Variants in BCL9 observed in about 807,000 individuals in gnomAD.
BCL9 encodes B-cell CLL/lymphoma 9 protein.
Under a neutral mutation model 88.5 loss-of-function variants are expected in BCL9, and 25 were observed. The observed-to-expected ratio is 0.28, with a 90% CI of 0.21 to 0.39. BCL9 has a LOEUF of 0.39. Among genes scored for constraint, BCL9 ranks in the 10% least tolerant of loss-of-function variants. The pLI is 1.00. For missense variants in BCL9, 1,817 were observed against 1,877.8 expected (o/e 0.97, Z 0.60); for synonymous variants, 711 against 673.3 (o/e 1.06, Z -0.87).
intron 1 of BCL9, among the ~76,000 whole-genome samples, chr1:147,601,138 CAA>C (rs1657369648): frequency 6.6e-6 from 1 of 152,030 alleles, no homozygotes; most frequent in Non-Finnish European, 1.5e-5. Flanking sequence ...ATCTGTCCTC[CAA>C]GAGGTCTGAA....
At chr1:147,572,862 G>A (rs587736445) in intron 1 of BCL9, among the ~76,000 whole-genome samples, 27 of 152,350 alleles carry the variant, frequency 1.8e-4, no homozygotes, top group African/African-American at 6.0e-4. Flanking sequence ...TTATAGGCGT[G>A]AGCCGCTACA....
At chr1:147,623,598 A>G (rs782390656) in intron 9 of BCL9, among the ~76,000 whole-genome samples, 4 of 152,250 alleles carry the variant, frequency 2.6e-5, no homozygotes, top group South Asian at 2.1e-4. Context: ...ACACATGACA[A>G]TTTCTCCCTT....
chr1:147,580,470 A>G (rs1570854237), intron 1 of BCL9, among the ~76,000 whole-genome samples: 1 of 152,290 alleles, frequency 6.6e-6, no homozygotes, highest in South Asian at 2.1e-4. Flanking sequence ...TGTGAGACTG[A>G]GTCTTCCTAT....
intron 1 of BCL9, among the ~76,000 whole-genome samples, chr1:147,583,957 CA>C (rs1278849988): frequency 1.3e-5 from 2 of 150,856 alleles, no homozygotes; most frequent in African/African-American, 2.4e-5. Flanking sequence ...GACTCTGTCT[CA>C]AAAAAAAGAA....
At chr1:147,573,384 C>T (rs782672053) in intron 1 of BCL9, among the ~76,000 whole-genome samples, 7 of 152,074 alleles carry the variant, frequency 4.6e-5, no homozygotes, top group African/African-American at 7.2e-5. Flanking sequence ...ACCCAGGAGG[C>T]GGAGGTTGCA....
intron 7 of BCL9, 28 bp downstream of exon 7, chr1:147,615,930 G>A (rs1553203765): frequency 6.3e-7 from 1 of 1,577,464 alleles, no homozygotes; most frequent in Non-Finnish European, 8.7e-7. Flanking sequence ...CTGAGTAATG[G>A]TTTAATGATT....
rs76482154 is a variant in BCL9, at chr1:147,579,408, A to G, written c.-477-25369A>G. Reference sequence around the variant, plus strand: ...CCTTTCTCTACTATATGGAATATATACACTGCTTGACACAGATGGTGCTTA... The same window carrying G: ...CCTTTCTCTACTATATGGAATATATGCACTGCTTGACACAGATGGTGCTTA... On this transcript the variant is annotated intron_variant, in intron 1 of 9. Transcript: ENST00000234739. Among the ~76,000 whole-genome samples the G allele has an allele frequency of 5.9e-3, 905 of 152,342 alleles. 14 individuals are homozygous for G. The highest frequency in any genetic ancestry group is 0.021 in the African/African-American group (860 of 41,578).
chr1:147,595,687 A>T lies in BCL9; in HGVS notation c.-477-9090A>T, dbSNP rs587677507. Among the ~76,000 whole-genome samples the T allele has an allele frequency of 5.9e-5, 9 of 152,210 alleles. No individual in the cohort carries two copies. The East Asian group carries it at 1.2e-3, about 20-fold the overall frequency. On this transcript the variant is annotated intron_variant, in intron 1 of 9. Transcript: ENST00000234739. ...CAACATAGTGAGACTATCTCTACAA[A>T]AAATAAATAAATAAATAAATAATAA...
rs781948065 is a variant in BCL9, at chr1:147,619,009, T to C, written c.854T>C (p.Leu285Pro). The C allele has an allele frequency of 9.9e-6, 16 of 1,610,158 alleles. No individual in the cohort carries two copies. In the African/African-American group the frequency reaches 2.0e-4, roughly 20 times the overall value. The change falls in exon 8 of 10, where the codon CTG becomes CCG. Residue 285 changes from leucine to proline, a missense_variant. Physicochemically the swap from Leu to Pro is moderately conservative, Grantham distance 98. Coordinates refer to ENST00000234739, the MANE Select transcript of BCL9 (RefSeq NM_004326.4). This position sits in a 1 kb window ranked among gnomAD's most constrained non-coding sequence, Gnocchi z 4.1. ...DRESPGVENK[L>P]IPSVGSPASS... ...GAGAGTCCTGGGGTAGAAAACAAAC[T>C]GATTCCTTCTGTAGGAAGTCCTGCC...
chr1:147,560,312 G>A lies in BCL9; in HGVS notation c.-478+18638G>A, dbSNP rs184092037. ...TATTAAAAAGGAATAAGGCCAGGCCGGGCGCGGTGGCTCACACCTGTAATC... is the reference window on the plus strand; with the variant it reads ...TATTAAAAAGGAATAAGGCCAGGCCAGGCGCGGTGGCTCACACCTGTAATC... On this transcript the variant is annotated intron_variant, in intron 1 of 9. Coordinates refer to ENST00000234739, the MANE Select transcript of BCL9 (RefSeq NM_004326.4). Among the ~76,000 whole-genome samples the A allele has an allele frequency of 2.2e-3, 339 of 152,122 alleles. 3 individuals carry two copies. Among genetic ancestry groups the A allele is most frequent in the African/African-American group, 7.8e-3 (323 of 41,502 alleles).
chr1:147,586,150 G>A (rs1313462442), intron 1 of BCL9, among the ~76,000 whole-genome samples: 2 of 152,042 alleles, frequency 1.3e-5, no homozygotes, highest in African/African-American at 4.8e-5. Flanking sequence ...AAGCTCTGCC[G>A]TTTTCCCCAC....
At chr1:147,587,865 C>T (rs1435902815) in intron 1 of BCL9, among the ~76,000 whole-genome samples, 1 of 151,556 alleles carries the variant, frequency 6.6e-6, no homozygotes, top group Non-Finnish European at 1.5e-5. Context: ...TGTCATGGGC[C>T]CCCATGAGCA....
At chr1:147,584,773 G>A (rs781880471) in intron 1 of BCL9, among the ~76,000 whole-genome samples, 3 of 152,220 alleles carry the variant, frequency 2.0e-5, no homozygotes, top group African/African-American at 4.8e-5. Context: ...TGCAGTAGAA[G>A]TTTAGCTCCT....
chr1:147,566,093 T>C (rs1453248767), intron 1 of BCL9, among the ~76,000 whole-genome samples: 1 of 152,098 alleles, frequency 6.6e-6, no homozygotes, highest in Non-Finnish European at 1.5e-5. Context: ...GGAGGGGGAA[T>C]ATTTGTAACA....
chr1:147,592,535 C>G (rs1272533925), intron 1 of BCL9, among the ~76,000 whole-genome samples: 3 of 152,178 alleles, frequency 2.0e-5, no homozygotes, highest in Non-Finnish European at 4.4e-5. Flanking sequence ...ATTATGTTAT[C>G]CACCCCCAAG....
chr1:147,558,978 TCTC>T (rs1189386329), intron 1 of BCL9, among the ~76,000 whole-genome samples: 1 of 152,182 alleles, frequency 6.6e-6, no homozygotes, highest in African/African-American at 2.4e-5. Context: ...TCTAGCCTTT[TCTC>T]CTCCTCCTTT....
intron 1 of BCL9, among the ~76,000 whole-genome samples, chr1:147,555,522 T>A (rs371922809): frequency 2.0e-5 from 3 of 152,360 alleles, no homozygotes; most frequent in East Asian, 3.9e-4. Flanking sequence ...GTTGAACAAG[T>A]TAGTTAAGGC....
intron 5 of BCL9, among the ~76,000 whole-genome samples, chr1:147,614,029 C>G (rs1488145124): frequency 6.6e-6 from 1 of 152,164 alleles, no homozygotes; most frequent in Non-Finnish European, 1.5e-5. Flanking sequence ...AAGATAGATA[C>G]AGCTGTTGTC....
At chr1:147,547,064 A>G (rs1367055690) in intron 1 of BCL9, among the ~76,000 whole-genome samples, 2 of 152,082 alleles carry the variant, frequency 1.3e-5, no homozygotes, top group Non-Finnish European at 2.9e-5. Context: ...GTAAGCAACT[A>G]TAGTGCTGAT....
Sources: gnomAD v4.1 joint callset for allele counts (sites outside exome capture counted in the v4.1 genomes callset) on GRCh38, gnomAD v4.1.1 for gene constraint, Gnocchi (gnomAD v3.1) non-coding constraint, MANE v1.5 for transcripts, NCBI Gene and HGNC (gene_info 2026-07-23, HGNC 2026-07-21) for gene names.